Variants in RSU1 observed in about 807,000 individuals in gnomAD.
RSU1 encodes rsu-1.
RSU1 carries 26 observed loss-of-function variants against 31.1 expected under a neutral mutation model. That is an observed-to-expected ratio of 0.84 (90% CI 0.61 to 1.16). The LOEUF is 1.16. Among genes scored for constraint, RSU1 ranks in the 50% most tolerant of loss-of-function variants. RSU1 has a pLI of 0.00. For synonymous variants in RSU1, 164 were observed against 136.3 expected (o/e 1.20, Z -1.41); for missense variants, 320 against 339.1 (o/e 0.94, Z 0.44).
chr10:16,759,246 T>C (rs1270858939), intron 4 of RSU1, among the ~76,000 whole-genome samples: 1 of 152,056 alleles, frequency 6.6e-6, no homozygotes, highest in Non-Finnish European at 1.5e-5. Context: ...ACGTCTGTAA[T>C]CCCAGCACTT....
intron 4 of RSU1, among the ~76,000 whole-genome samples, chr10:16,759,377 C>T (rs1469869752): frequency 2.6e-5 from 4 of 151,536 alleles, no homozygotes; most frequent in Non-Finnish European, 5.9e-5. Flanking sequence ...CGTGGTGGTG[C>T]GTACCTGTGG....
intron 8 of RSU1, among the ~76,000 whole-genome samples, chr10:16,650,079 A>G (rs1564300670): frequency 6.6e-6 from 1 of 151,826 alleles, no homozygotes; most frequent in African/African-American, 2.4e-5. Context: ...TATTTTGACA[A>G]TAATTCTCTC....
At chr10:16,612,455 C>T (rs1024886894) in intron 8 of RSU1, among the ~76,000 whole-genome samples, 2 of 152,162 alleles carry the variant, frequency 1.3e-5, no homozygotes, top group African/African-American at 4.8e-5. Context: ...GTCCATGGTC[C>T]TGAACAGGCA....
chr10:16,794,249 A>G (rs1479567855), intron 2 of RSU1, among the ~76,000 whole-genome samples: 1 of 152,164 alleles, frequency 6.6e-6, no homozygotes, highest in African/African-American at 2.4e-5. Flanking sequence ...AATTTCCATA[A>G]TAAATCTCCA....
chr10:16,654,327 G>A (rs1427332299), intron 8 of RSU1, among the ~76,000 whole-genome samples: 1 of 141,310 alleles, frequency 7.1e-6, no homozygotes, highest in African/African-American at 2.8e-5. Flanking sequence ...ACAAATGTGT[G>A]CCATATTTGG....
chr10:16,735,254 G>A (rs931757862), intron 7 of RSU1, among the ~76,000 whole-genome samples: 2 of 152,152 alleles, frequency 1.3e-5, no homozygotes, highest in African/African-American at 2.4e-5. Flanking sequence ...CAAGAATAAA[G>A]ATGAAAATGG....
In RSU1 at chr10:16,637,984, A is replaced by C. The variant is rs17138893; in HGVS notation, c.732-44488T>G. Among the ~76,000 whole-genome samples the C allele has an allele frequency of 5.3e-3, 804 of 152,300 alleles. 6 individuals carry two copies. Among genetic ancestry groups the C allele is most frequent in the African/African-American group, 0.018 (760 of 41,556 alleles). ...AAAAAGACCAAAGGAGAAAAAAATCATCATCTGTTGCATTTTTATGGTACT... is the reference window on the plus strand; with the variant it reads ...AAAAAGACCAAAGGAGAAAAAAATCCTCATCTGTTGCATTTTTATGGTACT... On this transcript the variant is annotated intron_variant, in intron 8 of 8. Coordinates refer to ENST00000345264, the MANE Select transcript of RSU1 (RefSeq NM_012425.4).
chr10:16,684,894 T>C (rs1459555251), intron 8 of RSU1, among the ~76,000 whole-genome samples: 2 of 152,178 alleles, frequency 1.3e-5, no homozygotes, highest in South Asian at 2.1e-4. Context: ...CACTACCTAA[T>C]TGGATAGAGA....
chr10:16,782,967 G>A lies in RSU1; in HGVS notation c.110-883C>T, dbSNP rs1837687532. 2.0e-5 allele frequency among the ~76,000 whole-genome samples: 3 copies of A among 150,780 alleles called. No individual in the cohort carries two copies. In the South Asian group the frequency reaches 6.3e-4, roughly 31 times the overall value. On this transcript the variant is annotated intron_variant, in intron 2 of 8. Coordinates refer to ENST00000345264, the MANE Select transcript of RSU1 (RefSeq NM_012425.4). ...AATCTGTTGCCCAGGTTGGAGTACA[G>A]TGGCACAATGTCAGCTCACTGTAAC...
intron 7 of RSU1, among the ~76,000 whole-genome samples, chr10:16,734,221 T>C (rs971574534): frequency 2.6e-4 from 39 of 152,226 alleles, no homozygotes; most frequent in Non-Finnish European, 5.9e-5. Flanking sequence ...TAAAGTTTAA[T>C]ATGTGACCAT....
intron 7 of RSU1, among the ~76,000 whole-genome samples, chr10:16,752,109 T>G (rs557540409): frequency 1.7e-4 from 26 of 152,308 alleles, no homozygotes; most frequent in African/African-American, 5.5e-4. Context: ...CTACTTTAAC[T>G]ATTTGGTAAA....
At chr10:16,744,970 A>C (rs1836821389) in intron 7 of RSU1, among the ~76,000 whole-genome samples, 1 of 152,116 alleles carries the variant, frequency 6.6e-6, no homozygotes, top group Admixed American at 6.5e-5. Flanking sequence ...TTTTATCCAC[A>C]GGATACACTG....
At chr10:16,678,023 G>C (rs761361857) in intron 8 of RSU1, among the ~76,000 whole-genome samples, 30 of 152,092 alleles carry the variant, frequency 2.0e-4, no homozygotes, top group Non-Finnish European at 3.4e-4. Context: ...TCTCACTGTA[G>C]GAATCCGAAG....
At chr10:16,593,954 T>C (rs942641840) in intron 8 of RSU1, among the ~76,000 whole-genome samples, 2 of 152,208 alleles carry the variant, frequency 1.3e-5, no homozygotes, top group African/African-American at 4.8e-5. Context: ...CCATGATGGA[T>C]AGCGTGGGGC....
At chr10:16,722,868 G>GTATATATACACACATATACATATATGTA (rs1836299360) in intron 7 of RSU1, among the ~76,000 whole-genome samples, 3 of 130,936 alleles carry the variant, frequency 2.3e-5, no homozygotes, top group Middle Eastern at 4.5e-3. Flanking sequence ...ATACATATAT[G>GTATATATACACACATATACATATATGTA]TATATATACA....
chr10:16,633,205 G>A (rs1370683798), intron 8 of RSU1, among the ~76,000 whole-genome samples: 3 of 152,122 alleles, frequency 2.0e-5, no homozygotes, highest in East Asian at 1.9e-4. Context: ...TGTCCCCAGC[G>A]GGAGTGGGGG....
intron 8 of RSU1, among the ~76,000 whole-genome samples, chr10:16,599,889 G>T (rs2131456367): frequency 6.6e-6 from 1 of 152,272 alleles, no homozygotes; most frequent in Admixed American, 6.5e-5. Context: ...GACAGCTGGA[G>T]AGTGATAAAG....
intron 8 of RSU1, among the ~76,000 whole-genome samples, chr10:16,687,859 A>T (rs972522104): frequency 3.9e-5 from 6 of 151,966 alleles, no homozygotes; most frequent in African/African-American, 1.5e-4. Flanking sequence ...AGCTGAGACT[A>T]CAGGCATGTG....
intron 7 of RSU1, among the ~76,000 whole-genome samples, chr10:16,728,185 G>A (rs1836435428): frequency 6.6e-6 from 1 of 152,108 alleles, no homozygotes; most frequent in African/African-American, 2.4e-5. Context: ...ATGAGCGAGT[G>A]GCCCCTGTCA....
Sources: allele counts gnomAD v4.1 joint callset (sites outside exome capture counted in the v4.1 genomes callset), GRCh38; gene constraint gnomAD v4.1.1; transcripts MANE v1.5; gene names NCBI Gene and HGNC (gene_info 2026-07-23, HGNC 2026-07-21).